The following PRKD2 variants were observed in gnomAD, a reference collection of about 807,000 sequenced individuals.
PRKD2 encodes serine/threonine-protein kinase D2.
A neutral mutation model predicts 86.0 loss-of-function variants in PRKD2; 22 were observed. The observed-to-expected ratio is 0.26, with a 90% confidence interval of 0.18 to 0.37. The LOEUF (loss-of-function observed/expected upper bound fraction) is 0.37, where lower values mean the gene tolerates loss of function less well. Ranked by LOEUF, PRKD2 falls within the 10% of genes least tolerant of loss-of-function variation. PRKD2 has a pLI of 1.00. For missense variants in PRKD2, 818 were observed against 1,199.2 expected, an observed-to-expected ratio of 0.68 and a Z score of 4.70; for synonymous variants, 509 against 510.9, an observed-to-expected ratio of 1.00 and a Z score of 0.05.
At chr19:46,713,341 A>G (rs1429838980) in intron 2 of PRKD2, among the ~76,000 whole-genome samples, 2 of 151,414 alleles carry the variant, frequency 1.3e-5, no homozygotes, top group Non-Finnish European at 2.9e-5. Context: ...TTTTACCTTT[A>G]TATTTAAGCA....
chr19:46,681,473 G>C (rs1164230531), intron 15 of PRKD2, among the ~76,000 whole-genome samples, 177 bp downstream of exon 15: 1 of 151,524 alleles, frequency 6.6e-6, no homozygotes, highest in African/African-American at 2.4e-5. Context: ...GCCCAGGCTG[G>C]TCTCAAACTC....
chr19:46,697,076 G>C (rs1205200428), intron 9 of PRKD2, 81 bp downstream of exon 9: 2 of 1,134,492 alleles, frequency 1.8e-6, no homozygotes, highest in African/African-American at 3.1e-5. Flanking sequence ...TCTGTCTGGA[G>C]TAACTGGGGG....
In PRKD2 at chr19:46,716,016, C is replaced by T; in HGVS notation, c.240+115G>A. On this transcript the variant is annotated intron_variant, in intron 1 of 17. Transcript: ENST00000291281. This position sits in a 1 kb window ranked among gnomAD's most constrained non-coding sequence, Gnocchi z 7.9. ...GGCAATGCCCCCTATCCCTCCATCA[C>T]CCAAAGCTCAGGTCTCCTTCCTCCC... 6.9e-7 allele frequency: 1 copy of T among 1,449,112 alleles called. No homozygotes were observed. Among genetic ancestry groups the T allele is most frequent in the Non-Finnish European group, 9.1e-7 (1 of 1,094,234 alleles). The allele number at this position is 1,449,112 out of a possible 1,614,324, so 89.8% of individuals were successfully genotyped here. A position where few individuals can be genotyped will look rare whatever the true frequency, so the allele number is the denominator to read the frequency against.
intron 14 of PRKD2, among the ~76,000 whole-genome samples, chr19:46,684,800 T>C (rs901840641): frequency 2.6e-5 from 4 of 151,280 alleles, no homozygotes; most frequent in South Asian, 2.1e-4. Context: ...CCATCTCTAC[T>C]AAAAATACAA....
chr19:46,692,797 C>A (rs1360764689), intron 10 of PRKD2, among the ~76,000 whole-genome samples: 1 of 152,202 alleles, frequency 6.6e-6, no homozygotes, highest in Non-Finnish European at 1.5e-5. Flanking sequence ...CTGGTCTCTG[C>A]ATATGCTGTT....
chr19:46,715,114 G>T (rs541395760), intron 1 of PRKD2, among the ~76,000 whole-genome samples: 91 of 151,944 alleles, frequency 6.0e-4, no homozygotes, highest in African/African-American at 2.0e-3. Context: ...TTCCTACCTG[G>T]TATCACTATA....
intron 14 of PRKD2, among the ~76,000 whole-genome samples, chr19:46,686,791 A>G (rs1017266311): frequency 6.6e-6 from 1 of 151,870 alleles, no homozygotes; most frequent in Non-Finnish European, 1.5e-5. Flanking sequence ...CTCTACTGAA[A>G]ATACAAAAAA....
chr19:46,707,129 T>C (rs1426086711), intron 3 of PRKD2, among the ~76,000 whole-genome samples: 1 of 150,962 alleles, frequency 6.6e-6, no homozygotes, highest in Non-Finnish European at 1.5e-5. Flanking sequence ...CCTGACCTCA[T>C]GATCCGCCCG....
intron 14 of PRKD2, among the ~76,000 whole-genome samples, chr19:46,683,969 A>G (rs914233403): frequency 2.0e-5 from 3 of 152,010 alleles, no homozygotes; most frequent in Non-Finnish European, 4.4e-5. Context: ...GTAACCATTC[A>G]TCTGTGAGAA....
At chr19:46,677,288 C>A (rs1404132570) in intron 16 of PRKD2, 1 of 152,618 alleles carries the variant, frequency 6.6e-6, no homozygotes, top group African/African-American at 2.4e-5. Flanking sequence ...CAATGAGCTA[C>A]CCTGCACCTG....
intron 5 of PRKD2, among the ~76,000 whole-genome samples, chr19:46,703,529 TG>T (rs1226142030): frequency 6.6e-6 from 1 of 151,932 alleles, no homozygotes; most frequent in Non-Finnish European, 1.5e-5. Context: ...CCCGGCATTT[TG>T]GGAGGTCGAG....
chr19:46,697,018 G>C, intron 9 of PRKD2, 139 bp downstream of exon 9: 1 of 754,266 alleles, frequency 1.3e-6, no homozygotes, highest in Non-Finnish European at 2.3e-6. Flanking sequence ...TTGCTGATGA[G>C]CTGGAAGCAG....
Position 46,674,677 on chromosome 19 carries a change from A to T in PRKD2, c.2483T>A (p.Ile828Asn), listed in dbSNP as rs774846613. 7 of 1,605,916 alleles carry T rather than the reference A, an allele frequency of 4.4e-6. No individual in the cohort carries two copies. Among genetic ancestry groups the T allele is most frequent in the Non-Finnish European group, 5.9e-6 (7 of 1,179,916 alleles). The change falls in exon 18 of 18, where the codon ATC (isoleucine) becomes AAC (asparagine). Residue 828 changes from isoleucine to asparagine, a missense_variant. Physicochemically the swap from Ile to Asn is moderately radical, Grantham distance 149 (BLOSUM62 -3). Coordinates refer to ENST00000291281, the MANE Select transcript of PRKD2 (RefSeq NM_016457.5). ...GCGCGCGTCGTCACTCTCATGCGTGATGTATCGCTCTCCCATCTTCCCCTC... is the reference window on the plus strand; with the variant it reads ...GCGCGCGTCGTCACTCTCATGCGTGTTGTATCGCTCTCCCATCTTCCCCTC... ...ELEGKMGERY[I>N]THESDDARWE...
intron 12 of PRKD2, among the ~76,000 whole-genome samples, chr19:46,691,122 C>T (rs927500528): frequency 6.6e-6 from 1 of 152,064 alleles, no homozygotes; most frequent in African/African-American, 2.4e-5. Flanking sequence ...TCCTATTGAA[C>T]TCTAGGATCT....
Position 46,716,412 on chromosome 19 carries a change from C to T in PRKD2, c.-42G>A. 15 of 1,331,740 alleles carry T rather than the reference C, an allele frequency of 1.1e-5. No individual in the cohort carries two copies. Among genetic ancestry groups the T allele is most frequent in the Non-Finnish European group, 1.5e-5 (15 of 1,026,628 alleles). 82.5% of individuals were successfully genotyped at this position (1,331,740 alleles called of 1,614,324 possible). A position where few individuals can be genotyped will look rare whatever the true frequency, so the allele number is the denominator to read the frequency against. On this transcript the variant is annotated 5_prime_UTR_variant, in exon 1 of 18. Coordinates refer to ENST00000291281, the MANE Select transcript of PRKD2 (RefSeq NM_016457.5). The surrounding 1 kb of genome is among the most constrained non-coding windows in gnomAD (Gnocchi z 7.9). The stretch of plus-strand genomic sequence containing the variant: ...CCGGCCGCCTGGAGCCCACCCGGGA[C>T]CCGGCCGGGGGGCCCCGGGGGACCC...
At chr19:46,709,996 C>G (rs901679762) in intron 3 of PRKD2, among the ~76,000 whole-genome samples, 4 of 152,114 alleles carry the variant, frequency 2.6e-5, no homozygotes, top group African/African-American at 9.7e-5. Flanking sequence ...CTCTCAGGTC[C>G]AAGCAATTCT....
At position 46,710,912 on chromosome 19, in the gene PRKD2, C is replaced by T. The variant is rs1252211147; in HGVS notation, c.506G>A (p.Cys169Tyr). 6.4e-7 allele frequency: 1 copy of T among 1,573,912 alleles called. No homozygotes were observed. Residue 169 changes from cysteine to tyrosine, a missense_variant, in exon 3 of 18, where the codon TGC becomes TAC. By Grantham distance (194) the Cys-to-Tyr change is radical. This residue lies in a region of PRKD2 where 403 missense variants were observed against 518.6 expected (regional missense o/e 0.78). Transcript: ENST00000291281. ...LFGLVRQGLK[C>Y]DGCGLNYHKR... ...CCCAACCCTTTAGCTCTCACCATCGCACTTGAGGCCCTGGCGCACTAGGCC... is the reference window on the plus strand; with the variant it reads ...CCCAACCCTTTAGCTCTCACCATCGTACTTGAGGCCCTGGCGCACTAGGCC...
chr19:46,708,535 T>C (rs2053751663), intron 3 of PRKD2, among the ~76,000 whole-genome samples: 1 of 151,916 alleles, frequency 6.6e-6, no homozygotes, highest in African/African-American at 2.4e-5. Context: ...CATGCTGGTC[T>C]CGAACTCCTG....
chr19:46,704,510 G>C lies in PRKD2; in HGVS notation c.651C>G (p.Cys217Trp), dbSNP rs376158404. Residue 217 changes from cysteine to tryptophan, a missense_variant, in exon 4 of 18, where the codon TGC becomes TGG. This residue lies in a region of PRKD2 where 403 missense variants were observed against 518.6 expected (regional missense o/e 0.78). Transcript: ENST00000291281. ...VRLGTSESLPCTAEELSRSTT... is the reference protein window; with the variant it reads ...VRLGTSESLPWTAEELSRSTT... ...ATCTCCTCACCAGCTCTTCAGCCGTGCAGGGCAGGGACTCGGAGGTGCCGA... is the reference window on the plus strand; with the variant it reads ...ATCTCCTCACCAGCTCTTCAGCCGTCCAGGGCAGGGACTCGGAGGTGCCGA... The C allele has an allele frequency of 6.2e-7, 1 of 1,614,040 alleles. No homozygotes were observed. The highest frequency in any genetic ancestry group is 8.5e-7 in the Non-Finnish European group (1 of 1,180,046).
Sources: gnomAD v4.1 joint callset for allele counts (sites outside exome capture counted in the v4.1 genomes callset) on GRCh38, gnomAD v4.1.1 for gene constraint, gnomAD v4.1.1 regional missense constraint, Gnocchi (gnomAD v3.1) non-coding constraint, MANE v1.5 for transcripts, NCBI Gene and HGNC (gene_info 2026-07-23, HGNC 2026-07-21) for gene names.